Variants in MRPS27 observed in about 807,000 individuals in gnomAD.
MRPS27 encodes mitochondrial ribosomal protein S27, also known as small ribosomal subunit protein mS27.
In MRPS27, 43 loss-of-function variants were observed where a neutral mutation model predicts 48.9. The ratio of observed to expected loss-of-function variants is 0.88; its 90% CI spans 0.69 to 1.13. The LOEUF (loss-of-function observed/expected upper bound fraction) is 1.13, where lower values mean the gene tolerates loss of function less well. Among genes scored for constraint, MRPS27 ranks in the 50% most tolerant of loss-of-function variants. The probability of loss-of-function intolerance (pLI) is 0.00; values close to 1 mark genes in which losing one functional copy is unlikely to be tolerated. For missense variants in MRPS27, 467 were observed against 476.3 expected (o/e 0.98, Z 0.18); for synonymous variants, 188 against 171.9 (o/e 1.09, Z -0.73).
At chr5:72,268,821 T>A (rs1231992841) in intron 4 of MRPS27, among the ~76,000 whole-genome samples, 2 of 152,256 alleles carry the variant, frequency 1.3e-5, no homozygotes, top group Non-Finnish European at 2.9e-5. Context: ...TTTATTTTGA[T>A]GTGATCCACA....
intron 4 of MRPS27, among the ~76,000 whole-genome samples, chr5:72,280,861 T>G (rs1230881888): frequency 6.6e-6 from 1 of 152,248 alleles, no homozygotes; most frequent in Non-Finnish European, 1.5e-5. Context: ...TCTTCACAGA[T>G]AGTAAGCAGA....
At chr5:72,238,459 T>C (rs1748263332) in intron 4 of MRPS27, among the ~76,000 whole-genome samples, 1 of 152,198 alleles carries the variant, frequency 6.6e-6, no homozygotes, top group Non-Finnish European at 1.5e-5. Context: ...GATATTTCAT[T>C]AGAAGAGACG....
intron 4 of MRPS27, among the ~76,000 whole-genome samples, chr5:72,245,991 A>T (rs1368066699): frequency 5.9e-5 from 9 of 152,170 alleles, no homozygotes; most frequent in Admixed American, 5.9e-4. Context: ...CAGTGATACA[A>T]TCCAATTCAT....
chr5:72,224,312 T>G (rs533234047), intron 9 of MRPS27, among the ~76,000 whole-genome samples: 1 of 152,034 alleles, frequency 6.6e-6, no homozygotes, highest in Non-Finnish European at 1.5e-5. Context: ...TGAGCCATGA[T>G]CACATCACTG....
chr5:72,317,017 G>A lies in MRPS27; in HGVS notation c.74-2859C>T, dbSNP rs1459378657. Among the ~76,000 whole-genome samples, 4 of 141,176 alleles carry A rather than the reference G, an allele frequency of 2.8e-5. No homozygotes were observed. The East Asian group carries it at 8.3e-4, about 29-fold the overall frequency. 92.6% of individuals were successfully genotyped at this position (141,176 alleles called of 152,430 possible). A position where few individuals can be genotyped will look rare whatever the true frequency, so the allele number is the denominator to read the frequency against. On this transcript the variant is annotated intron_variant, in intron 1 of 10. Transcript: ENST00000261413. ...GCATTCCAACCTGGGCAATAAGAGCGAAACTCCGTCTCAAAAAAAAAAAAA... is the reference window on the plus strand; with the variant it reads ...GCATTCCAACCTGGGCAATAAGAGCAAAACTCCGTCTCAAAAAAAAAAAAA...
chr5:72,255,270 C>T (rs1228365933), intron 4 of MRPS27, among the ~76,000 whole-genome samples: 2 of 151,922 alleles, frequency 1.3e-5, no homozygotes, highest in Admixed American at 6.6e-5. Flanking sequence ...AGGTTGGTCT[C>T]GAACTCCTGA....
intron 1 of MRPS27, among the ~76,000 whole-genome samples, chr5:72,316,933 G>A (rs1750579735): frequency 6.6e-6 from 1 of 151,376 alleles, no homozygotes; most frequent in Non-Finnish European, 1.5e-5. Flanking sequence ...GGAGGCTGAG[G>A]CAAGAGAATC....
intron 2 of MRPS27, among the ~76,000 whole-genome samples, chr5:72,303,772 G>T (rs1481269146): frequency 2.0e-5 from 3 of 151,288 alleles, no homozygotes; most frequent in African/African-American, 7.3e-5. Flanking sequence ...GCAAAATATG[G>T]GTATGCTGGC....
At position 72,219,938 on chromosome 5, in the gene MRPS27, C is replaced by G. The variant is rs960976786; in HGVS notation, c.*971G>C. The G allele has an allele frequency of 2.0e-5, 3 of 152,642 alleles. No homozygotes were observed. Among genetic ancestry groups the G allele is most frequent in the Non-Finnish European group, 1.5e-5 (1 of 68,038 alleles). The allele number at this position is 152,642 out of a possible 1,614,324, so 9.5% of individuals were successfully genotyped here. A position where few individuals can be genotyped will look rare whatever the true frequency, so the allele number is the denominator to read the frequency against. On this transcript the variant is annotated 3_prime_UTR_variant, in exon 11 of 11. Coordinates refer to ENST00000261413, the MANE Select transcript of MRPS27 (RefSeq NM_015084.3). ...AATCCAAAAAAGCTTCATGCTAGAGCTAGCTTTCTCCTCAGAAACTTACAT... is the reference window on the plus strand; with the variant it reads ...AATCCAAAAAAGCTTCATGCTAGAGGTAGCTTTCTCCTCAGAAACTTACAT...
intron 2 of MRPS27, among the ~76,000 whole-genome samples, chr5:72,303,915 G>A (rs1289302812): frequency 1.4e-5 from 2 of 146,906 alleles, no homozygotes; most frequent in East Asian, 2.0e-4. Flanking sequence ...AGATAAGGGC[G>A]AAATGAAGAC....
intron 4 of MRPS27, among the ~76,000 whole-genome samples, chr5:72,246,004 C>T (rs935021807): frequency 6.6e-6 from 1 of 152,124 alleles, no homozygotes; most frequent in Non-Finnish European, 1.5e-5. Flanking sequence ...CAATTCATAG[C>T]TAGTTTCTAT....
At chr5:72,250,268 A>C (rs1002757899) in intron 4 of MRPS27, among the ~76,000 whole-genome samples, 3 of 152,160 alleles carry the variant, frequency 2.0e-5, no homozygotes, top group Non-Finnish European at 4.4e-5. Context: ...TGCTTCTCTC[A>C]CTTTCTAGAA....
At chr5:72,226,383 G>A (rs1747898678) in intron 8 of MRPS27, 184 bp from the exon 9 acceptor site, 1 of 645,356 alleles carries the variant, frequency 1.5e-6, no homozygotes, top group Non-Finnish European at 2.6e-6. Flanking sequence ...TGACGAATGT[G>A]GTAAAATTCA....
chr5:72,234,762 CAG>C (rs1748157490), intron 5 of MRPS27, among the ~76,000 whole-genome samples: 1 of 152,198 alleles, frequency 6.6e-6, no homozygotes, highest in Admixed American at 6.5e-5. Context: ...TCGACTTTCT[CAG>C]AGTGTTTTTA....
chr5:72,271,466 G>T (rs187434480), intron 4 of MRPS27, among the ~76,000 whole-genome samples: 1 of 152,026 alleles, frequency 6.6e-6, no homozygotes, highest in East Asian at 1.9e-4. Flanking sequence ...AAAAACAAAG[G>T]CAATCTTAAA....
intron 4 of MRPS27, among the ~76,000 whole-genome samples, chr5:72,250,496 C>T (rs1349244140): frequency 2.0e-5 from 3 of 152,086 alleles, no homozygotes; most frequent in Non-Finnish European, 4.4e-5. Flanking sequence ...AGAGAGGACT[C>T]GATGCCACTT....
At chr5:72,314,312 A>G in intron 1 of MRPS27, 154 bp from the exon 2 acceptor site, 1 of 462,270 alleles carries the variant, frequency 2.2e-6, no homozygotes, top group African/African-American at 1.9e-5. Context: ...CATAGTTGAC[A>G]ATTCAGTGAA....
intron 4 of MRPS27, among the ~76,000 whole-genome samples, chr5:72,245,795 G>A (rs1470916625): frequency 1.3e-5 from 2 of 152,092 alleles, no homozygotes; most frequent in African/African-American, 4.8e-5. Flanking sequence ...GTGAGATTAC[G>A]GATTTCTTTA....
At chr5:72,227,752 G>T (rs1365662599) in intron 8 of MRPS27, 1 of 153,596 alleles carries the variant, frequency 6.5e-6, no homozygotes, top group Non-Finnish European at 1.4e-5. Context: ...AGCCACCACT[G>T]CACCTCCTGG....
Sources: gnomAD v4.1 joint callset for allele counts (sites outside exome capture counted in the v4.1 genomes callset) on GRCh38, gnomAD v4.1.1 for gene constraint, MANE v1.5 for transcripts, NCBI Gene and HGNC (gene_info 2026-07-23, HGNC 2026-07-21) for gene names.